GBF1: variants seen among roughly 807,000 people sequenced by gnomAD.
GBF1 encodes the protein Golgi-specific brefeldin A-resistance guanine nucleotide exchange factor 1.
A neutral mutation model predicts 210.5 loss-of-function variants in GBF1; 114 were observed. The ratio of observed to expected loss-of-function variants is 0.54; its 90% CI spans 0.47 to 0.63. GBF1 has a LOEUF of 0.63. Ranked by LOEUF, GBF1 falls within the 30% of genes least tolerant of loss-of-function variation. The pLI is 0.00. For missense variants in GBF1, 1,851 were observed against 2,357.7 expected, an observed-to-expected ratio of 0.79 and a Z score of 4.45; for synonymous variants, 850 against 889.2, an observed-to-expected ratio of 0.96 and a Z score of 0.78.
At chr10:102,308,201 T>TAAAAAA (rs11440668) in intron 3 of GBF1, among the ~76,000 whole-genome samples, 23 of 123,362 alleles carry the variant, frequency 1.9e-4, no homozygotes, top group East Asian at 4.7e-4. Context: ...TCACAGAAGC[T>TAAAAAA]AAAAAAAAAA....
In GBF1 at chr10:102,367,459, C is replaced by G; in HGVS notation, c.2560-19C>G. 1.2e-5 allele frequency: 19 copies of G among 1,552,376 alleles called. No homozygotes were observed. The highest frequency in any genetic ancestry group is 1.7e-5 in the Non-Finnish European group (19 of 1,123,576). ...TCAGTGTTGACACAAGGGGAAAAAA[C>G]TTACTGGCCTGTCTCTAGGAGTTTC... On this transcript the variant is annotated intron_variant, in intron 20 of 39. Transcript: ENST00000369983.
chr10:102,346,615 C>T (rs569988756), intron 4 of GBF1, among the ~76,000 whole-genome samples: 11 of 152,172 alleles, frequency 7.2e-5, no homozygotes, highest in Non-Finnish European at 1.6e-4. Context: ...TCAGGTGATC[C>T]TCCCACCTCC....
At position 102,366,577 on chromosome 10, in the gene GBF1, G is replaced by C. The variant is rs1293902332; in HGVS notation, c.2433+71G>C. On this transcript the variant is annotated intron_variant, in intron 19 of 39. Transcript: ENST00000369983. The surrounding 1 kb of genome is among the most constrained non-coding windows in gnomAD (Gnocchi z 4.0). ...TGACTGAGGGCTGAAGAATCCAGCT[G>C]CTGTCTCTTTTTTTTTTTTTTTTTT... The C allele has an allele frequency of 8.4e-7, 1 of 1,192,484 alleles. No individual in the cohort carries two copies. Among genetic ancestry groups the C allele is most frequent in the African/African-American group, 1.6e-5 (1 of 63,460 alleles). The allele number at this position is 1,192,484 out of a possible 1,614,324, so 73.9% of individuals were successfully genotyped here.
chr10:102,339,924 C>CT (rs1166357134), intron 3 of GBF1, among the ~76,000 whole-genome samples: 3 of 150,450 alleles, frequency 2.0e-5, no homozygotes, highest in African/African-American at 7.4e-5. Context: ...GTCGCTGGGA[C>CT]TACAGGCACA....
At chr10:102,381,823 GAAAAAAA>G (rs386372282) in intron 39 of GBF1, among the ~76,000 whole-genome samples, 22 of 19,116 alleles carry the variant, frequency 1.2e-3, no homozygotes, top group South Asian at 2.7e-3. Context: ...ACCCTGTCGC[GAAAAAAA>G]AAAAAAAAAA....
rs377465539 is a variant in GBF1, at chr10:102,382,350, G to A, written c.*14G>A. On this transcript the variant is annotated 3_prime_UTR_variant, in exon 40 of 40. Transcript: ENST00000369983. ...GAGGTCAACTAAGGCAGGTCACTCA[G>A]AGATCAGGACCAGTGCTTCCCACCA... 6.3e-7 allele frequency: 1 copy of A among 1,594,802 alleles called. No individual in the cohort carries two copies. Among genetic ancestry groups the A allele is most frequent in the Non-Finnish European group, 8.6e-7 (1 of 1,169,362 alleles).
intron 3 of GBF1, among the ~76,000 whole-genome samples, chr10:102,264,169 G>A (rs999096621): frequency 6.6e-6 from 1 of 152,204 alleles, no homozygotes; most frequent in Non-Finnish European, 1.5e-5. Context: ...TCATATCTCA[G>A]TTTATAAAGG....
intron 33 of GBF1, among the ~76,000 whole-genome samples, chr10:102,378,351 A>G (rs773187511): frequency 3.4e-4 from 51 of 150,726 alleles, no homozygotes; most frequent in Admixed American, 1.7e-3. Context: ...AGCCAGGTAC[A>G]GTGGCTCACA....
At chr10:102,319,651 C>T (rs1174613983) in intron 3 of GBF1, among the ~76,000 whole-genome samples, 34 of 151,386 alleles carry the variant, frequency 2.2e-4, no homozygotes, top group Admixed American at 2.2e-3. Flanking sequence ...CTGGAACTTC[C>T]CTTCAGTTTT....
At chr10:102,360,527 T>C (rs1419147258) in intron 12 of GBF1, 132 bp downstream of exon 12, 2 of 646,708 alleles carry the variant, frequency 3.1e-6, no homozygotes, top group Non-Finnish European at 5.5e-6. Context: ...GTAGTTTTAG[T>C]AAGAGGGTTC....
At chr10:102,234,474 C>G in the GBF1 span, among the ~76,000 whole-genome samples, 2 of 152,118 alleles carry the variant, frequency 1.3e-5, no homozygotes, top group African/African-American at 2.4e-5. Flanking sequence ...CCTTCCAGGT[C>G]GGGTCAGGTC....
In GBF1 at chr10:102,252,671, G is replaced by C. The variant is rs528737355; in HGVS notation, c.-10-6258G>C. ...ACCAGCCTGGGCAACATGGCAAAAT[G>C]TTGTCTCTACAAAAAATACAAAAAA... On this transcript the variant is annotated intron_variant, in intron 1 of 39. Coordinates refer to ENST00000369983, the MANE Select transcript of GBF1 (RefSeq NM_001377137.1). Among the ~76,000 whole-genome samples, 4 of 151,938 alleles carry C rather than the reference G, an allele frequency of 2.6e-5. No homozygotes were observed. The East Asian group carries it at 7.8e-4, about 29-fold the overall frequency.
In GBF1 at chr10:102,368,202, C is replaced by G; in HGVS notation, c.2643-16C>G. ...TTCAAAGCAGTGCAACTGCTCCTTC[C>G]CTTACCTCCTGACAGGAATGAGGAA... On this transcript the variant is annotated splice_polypyrimidine_tract_variant and intron_variant, in intron 21 of 39. Transcript: ENST00000369983. 2 of 1,560,188 alleles carry G rather than the reference C, an allele frequency of 1.3e-6. No individual in the cohort carries two copies. Among genetic ancestry groups the G allele is most frequent in the East Asian group, 4.5e-5 (2 of 44,638 alleles).
chr10:102,244,169 CA>C (rs1380535368), upstream of GBF1, among the ~76,000 whole-genome samples: 6 of 151,842 alleles, frequency 4.0e-5, no homozygotes, highest in East Asian at 1.9e-4. Flanking sequence ...CAAAACAAAA[CA>C]AAAAAATAGC....
At chr10:102,261,859 T>G (rs1438782465) in intron 3 of GBF1, among the ~76,000 whole-genome samples, 1 of 152,102 alleles carries the variant, frequency 6.6e-6, no homozygotes, top group Non-Finnish European at 1.5e-5. Context: ...TGACCTCAGA[T>G]GATCCACTTG....
chr10:102,244,422 C>T (rs572692749), upstream of GBF1, among the ~76,000 whole-genome samples: 1 of 152,342 alleles, frequency 6.6e-6, no homozygotes, highest in African/African-American at 2.4e-5. Flanking sequence ...AACCCATCCT[C>T]TTGTCCTCTT....
intron 1 of GBF1, among the ~76,000 whole-genome samples, chr10:102,248,863 A>G (rs920154570): frequency 1.3e-5 from 2 of 152,116 alleles, no homozygotes; most frequent in Non-Finnish European, 2.9e-5. Context: ...TCGAACTCCT[A>G]GACTCAAGCA....
rs7894865 is a variant in GBF1 at position 102,370,789 on chromosome 10, G to A, written c.3589G>A (p.Val1197Met). The A allele has an allele frequency of 7.3e-4, 1,172 of 1,614,084 alleles. 7 individuals carry two copies. The African/African-American group carries it at 0.011, about 15-fold the overall frequency. Residue 1197 changes from valine to methionine, a missense_variant, in exon 29 of 40, where the codon GTG becomes ATG. By Grantham distance (21) the Val-to-Met change is conservative (BLOSUM62 1). Coordinates refer to ENST00000369983, the MANE Select transcript of GBF1 (RefSeq NM_001377137.1). Reference sequence around the variant, plus strand: ...TCAGGCACAAGATTTCTGCTTCCTTGTGGAGCGGGCAGTGGTGGGGTTGCT... The same window carrying A: ...TCAGGCACAAGATTTCTGCTTCCTTATGGAGCGGGCAGTGGTGGGGTTGCT... ...CVQAQDFCFL[V>M]ERAVVGLLRL...
chr10:102,323,932 C>T (rs1329536472), intron 3 of GBF1, among the ~76,000 whole-genome samples: 1 of 152,090 alleles, frequency 6.6e-6, no homozygotes, highest in Non-Finnish European at 1.5e-5. Flanking sequence ...CTTCTGAACC[C>T]TGCCTGCCTA....
Sources: gnomAD v4.1 joint callset for allele counts (sites outside exome capture counted in the v4.1 genomes callset) on GRCh38, gnomAD v4.1.1 for gene constraint, Gnocchi (gnomAD v3.1) non-coding constraint, MANE v1.5 for transcripts, NCBI Gene and HGNC (gene_info 2026-07-23, HGNC 2026-07-21) for gene names.